The following SKIDA1 variants were observed in gnomAD, a reference collection of about 807,000 sequenced individuals.
SKIDA1 encodes SKI/DACH domain-containing protein 1.
Under a neutral mutation model 51.4 loss-of-function variants are expected in SKIDA1, and 18 were observed. The ratio of observed to expected loss-of-function variants is 0.35; its 90% CI spans 0.24 to 0.52. SKIDA1 has a LOEUF of 0.52. Ranked by LOEUF, SKIDA1 falls within the 20% of genes least tolerant of loss-of-function variation. The probability of loss-of-function intolerance (pLI) is 0.95; values close to 1 mark genes in which losing one functional copy is unlikely to be tolerated. For missense variants in SKIDA1, 1,104 were observed against 1,180.6 expected (o/e 0.94, Z 0.95); for synonymous variants, 579 against 500.5 (o/e 1.16, Z -2.09).
intron 2 of SKIDA1, among the ~76,000 whole-genome samples, chr10:21,522,289 C>T (rs929204580): frequency 5.5e-5 from 3 of 54,100 alleles, no homozygotes; most frequent in African/African-American, 2.0e-4. Context: ...CCCCCCCCCC[C>T]CCGCCACCAG....
chr10:21,516,055 G>T lies in SKIDA1; in HGVS notation c.1768C>A (p.Pro590Thr). The change falls in exon 4 of 4, where the codon CCA becomes ACA. Residue 590 changes from proline to threonine, a missense_variant. Pro to Thr is a conservative substitution (Grantham distance 38). This residue lies in a region of SKIDA1 where 938 missense variants were observed against 886.4 expected (regional missense o/e 1.06). Coordinates refer to ENST00000449193, the MANE Select transcript of SKIDA1 (RefSeq NM_207371.4). The surrounding 1 kb of genome is among the most constrained non-coding windows in gnomAD (Gnocchi z 5.7). Reference sequence around the variant, plus strand: ...GCCTCTCGGAGTATTCTTTGTTGTGGAAATGCATTGTTTGTCTTTGGGCTA... The same window carrying T: ...GCCTCTCGGAGTATTCTTTGTTGTGTAAATGCATTGTTTGTCTTTGGGCTA... ...SPSPKTNNAF[P>T]QQRILREARK... is the part of the protein sequence containing the mutation. 1 of 1,614,054 alleles carries T rather than the reference G, an allele frequency of 6.2e-7. No individual in the cohort carries two copies.
Position 21,516,898 on chromosome 10 carries a change from C to T in SKIDA1, c.925G>A (p.Ala309Thr). ...GCGGCCGCCGCCGCCGCTGCCGCCG[C>T]CGCCGCCGCCGCCGCCGCCTTGGCT... ...YKAKAAAAAAAAAAAAAAAAG... is the reference protein window; with the variant it reads ...YKAKAAAAAATAAAAAAAAAG... Residue 309 changes from alanine to threonine, a missense_variant, in exon 4 of 4, where the codon GCG (alanine) becomes ACG (threonine). Ala to Thr is a moderately conservative substitution (Grantham distance 58, BLOSUM62 0). Around this residue, in one of 3 missense-constraint regions of SKIDA1, gnomAD observed 938 missense variants for 886.4 expected, o/e 1.06. Transcript: ENST00000449193. This position sits in a 1 kb window ranked among gnomAD's most constrained non-coding sequence, Gnocchi z 5.7. The T allele has an allele frequency of 8.7e-7, 1 of 1,153,050 alleles. No homozygotes were observed. The highest frequency in any genetic ancestry group is 1.1e-6 in the Non-Finnish European group (1 of 941,330). The allele number at this position is 1,153,050 out of a possible 1,614,324, so 71.4% of individuals were successfully genotyped here.
rs1232723160 is a variant in SKIDA1 at position 21,517,469 on chromosome 10, C to T, written c.354G>A (p.Pro118=). 1.3e-6 allele frequency: 2 copies of T among 1,525,168 alleles called. No homozygotes were observed. Among genetic ancestry groups the T allele is most frequent in the Admixed American group, 2.3e-5 (1 of 44,310 alleles). 94.5% of individuals were successfully genotyped at this position (1,525,168 alleles called of 1,614,324 possible). Residue 118 remains proline (P), a synonymous_variant, in exon 4 of 4, where the codon CCG becomes CCA. Coordinates refer to ENST00000449193, the MANE Select transcript of SKIDA1 (RefSeq NM_207371.4). This position sits in a 1 kb window ranked among gnomAD's most constrained non-coding sequence, Gnocchi z 6.9. ...VGRALATKAP[P]PERAAAASPR... is the part of the protein sequence containing the mutation. ...GGCTGGCGGCAGCGGCGCGCTCTGG[C>T]GGCGGCGCCTTTGTGGCCAGGGCCC...
In SKIDA1 at chr10:21,514,327, T is replaced by G. The variant is rs2032127351; in HGVS notation, c.*769A>C. ...AGTAAGAGTCACCTTATTTAAAACCTTTGGGTGAGAACACAAAACAGACTT... is the reference window on the plus strand; with the variant it reads ...AGTAAGAGTCACCTTATTTAAAACCGTTGGGTGAGAACACAAAACAGACTT... On this transcript the variant is annotated 3_prime_UTR_variant, in exon 4 of 4. Coordinates refer to ENST00000449193, the MANE Select transcript of SKIDA1 (RefSeq NM_207371.4). 6.6e-6 allele frequency: 1 copy of G among 151,748 alleles called. No homozygotes were observed. Among genetic ancestry groups the G allele is most frequent in the Non-Finnish European group, 1.5e-5 (1 of 67,958 alleles). The allele number at this position is 151,748 out of a possible 1,614,324, so 9.4% of individuals were successfully genotyped here. A position where few individuals can be genotyped will look rare whatever the true frequency, so the allele number is the denominator to read the frequency against.
intron 3 of SKIDA1, among the ~76,000 whole-genome samples, chr10:21,520,096 C>T (rs1308972283): frequency 6.6e-6 from 1 of 152,166 alleles, no homozygotes; most frequent in African/African-American, 2.4e-5. Context: ...CATTTCCATC[C>T]AAGAAATCAG....
chr10:21,516,256 G>A lies in SKIDA1; in HGVS notation c.1567C>T (p.Gln523Ter). ...KAESPAEWNL[Q>*]SWAPKASPVY... Reference sequence around the variant, plus strand: ...GGAGATGCTTTGGGGGCCCAGCTCTGCAGATTCCACTCCGCCGGCGACTCC... The same window carrying A: ...GGAGATGCTTTGGGGGCCCAGCTCTACAGATTCCACTCCGCCGGCGACTCC... The change falls in exon 4 of 4, where the codon CAG becomes TAG. Residue 523 changes from glutamine (Q) to a stop codon, truncating the protein, a stop_gained. Transcript: ENST00000449193. LOFTEE classifies it high-confidence loss of function. The surrounding 1 kb of genome is among the most constrained non-coding windows in gnomAD (Gnocchi z 5.7). 6.2e-7 allele frequency: 1 copy of A among 1,613,994 alleles called. No homozygotes were observed. Among genetic ancestry groups the A allele is most frequent in the Non-Finnish European group, 8.5e-7 (1 of 1,179,898 alleles).
Position 21,516,537 on chromosome 10 carries a change from C to CCCT in SKIDA1, c.1283_1285dup (p.Glu428dup), listed in dbSNP as rs112207161. ...ACTGGAATCCGAGGCCCCGCTGCCC[C>CCCT]CCTCCTCCTCCTCTTCCTCCTCCTC... On this transcript the variant is annotated inframe_insertion, in exon 4 of 4. Transcript: ENST00000449193. The surrounding 1 kb of genome is among the most constrained non-coding windows in gnomAD (Gnocchi z 5.7). 5.2e-4 allele frequency: 743 copies of CCCT among 1,441,736 alleles called. 1 individual carries two copies. The highest frequency in any genetic ancestry group is 4.9e-3 in the Middle Eastern group (22 of 4,506). 89.3% of individuals were successfully genotyped at this position (1,441,736 alleles called of 1,614,324 possible). A position where few individuals can be genotyped will look rare whatever the true frequency, so the allele number is the denominator to read the frequency against.
Position 21,517,206 on chromosome 10 carries a change from G to T in SKIDA1, c.617C>A (p.Ala206Asp). The part of the protein sequence containing the change: ...ETAPLQGNYV[A>D]FPSDPAYFRS... ...AAAATAAGCAGGGTCCGAGGGGAAG[G>T]CGACGTAGTTTCCCTGGAGCGGGGC... The change falls in exon 4 of 4, where the codon GCC becomes GAC. Residue 206 changes from alanine to aspartate, a missense_variant. By Grantham distance (126) the Ala-to-Asp change is moderately radical. Around this residue, in one of 3 missense-constraint regions of SKIDA1, gnomAD observed 938 missense variants for 886.4 expected, o/e 1.06. Coordinates refer to ENST00000449193, the MANE Select transcript of SKIDA1 (RefSeq NM_207371.4). The surrounding 1 kb of genome is among the most constrained non-coding windows in gnomAD (Gnocchi z 6.9). 6.9e-7 allele frequency: 1 copy of T among 1,452,074 alleles called. No homozygotes were observed. The highest frequency in any genetic ancestry group is 9.1e-7 in the Non-Finnish European group (1 of 1,096,224). The allele number at this position is 1,452,074 out of a possible 1,614,324, so 89.9% of individuals were successfully genotyped here. A position where few individuals can be genotyped will look rare whatever the true frequency, so the allele number is the denominator to read the frequency against.
chr10:21,517,580 C>G lies in SKIDA1; in HGVS notation c.243G>C (p.Thr81=). 5 of 1,613,102 alleles carry G rather than the reference C, an allele frequency of 3.1e-6. No homozygotes were observed. The highest frequency in any genetic ancestry group is 4.2e-6 in the Non-Finnish European group (5 of 1,179,510). ...CTTCCACGTCTTCCCGGGAGATGAGCGTGCATTTGGCGGCGTGGAAGGCGA... is the reference window on the plus strand; with the variant it reads ...CTTCCACGTCTTCCCGGGAGATGAGGGTGCATTTGGCGGCGTGGAAGGCGA... The part of the protein sequence containing the change: ...NSIAFHAAKC[T]LISREDVEAL... Residue 81 remains threonine, a synonymous_variant, in exon 4 of 4, where the codon ACG becomes ACC. Coordinates refer to ENST00000449193, the MANE Select transcript of SKIDA1 (RefSeq NM_207371.4). The surrounding 1 kb of genome is among the most constrained non-coding windows in gnomAD (Gnocchi z 6.9).
In SKIDA1 at chr10:21,515,204, A is replaced by G. The variant is rs1344598303; in HGVS notation, c.2619T>C (p.Thr873=). Residue 873 remains threonine (T), a synonymous_variant, in exon 4 of 4, where the codon ACT becomes ACC. Coordinates refer to ENST00000449193, the MANE Select transcript of SKIDA1 (RefSeq NM_207371.4). ...DLWPAYSLNT[T]KDSQTPHKAH... Reference sequence around the variant, plus strand: ...CCTTGTGAGGAGTTTGAGAATCCTTAGTGGTGTTTAAGGAATACGCCGGCC... The same window carrying G: ...CCTTGTGAGGAGTTTGAGAATCCTTGGTGGTGTTTAAGGAATACGCCGGCC... The G allele has an allele frequency of 1.2e-6, 2 of 1,613,880 alleles. No homozygotes were observed. Among genetic ancestry groups the G allele is most frequent in the Non-Finnish European group, 1.7e-6 (2 of 1,179,844 alleles).
chr10:21,520,517 C>G (rs2032364829), intron 3 of SKIDA1, among the ~76,000 whole-genome samples: 1 of 124,690 alleles, frequency 8.0e-6, no homozygotes, highest in Non-Finnish European at 1.6e-5. Flanking sequence ...AGAATTAGAC[C>G]AAAGAGTCAG....
In SKIDA1 at chr10:21,519,630, A is replaced by G. The variant is rs573922821; in HGVS notation, c.-1808T>C. 1 of 167,202 alleles carries G rather than the reference A, an allele frequency of 6.0e-6. No individual in the cohort carries two copies. The highest frequency in any genetic ancestry group is 2.4e-5 in the African/African-American group (1 of 41,556). The allele number at this position is 167,202 out of a possible 1,614,324, so 10.4% of individuals were successfully genotyped here. ...CTCCAAAAATAGACACATCCGCGTGATTAAAAGAATAAACGGATATTTCTG... is the reference window on the plus strand; with the variant it reads ...CTCCAAAAATAGACACATCCGCGTGGTTAAAAGAATAAACGGATATTTCTG... On this transcript the variant is annotated 5_prime_UTR_variant, in exon 4 of 4. Transcript: ENST00000449193.
At position 21,518,003 on chromosome 10, in the gene SKIDA1, G is replaced by C. The variant is rs1164988423; in HGVS notation, c.-181C>G. 13 of 562,814 alleles carry C rather than the reference G, an allele frequency of 2.3e-5. No homozygotes were observed. The highest frequency in any genetic ancestry group is 3.1e-5 in the East Asian group (1 of 32,106). The allele number at this position is 562,814 out of a possible 1,614,324, so 34.9% of individuals were successfully genotyped here. A position where few individuals can be genotyped will look rare whatever the true frequency, so the allele number is the denominator to read the frequency against. On this transcript the variant is annotated 5_prime_UTR_variant, in exon 4 of 4. Transcript: ENST00000449193. Reference sequence around the variant, plus strand: ...CCAAACTCTAGGCGAAATTATTGGGGGGGGGGAAACCCCATGAAATTACAC... The same window carrying C: ...CCAAACTCTAGGCGAAATTATTGGGCGGGGGGAAACCCCATGAAATTACAC...
chr10:21,515,655 TCA>T lies in SKIDA1; in HGVS notation c.2166_2167del (p.Ser724Ter), dbSNP rs2032177004. 6.2e-7 allele frequency: 1 copy of T among 1,613,934 alleles called. No individual in the cohort carries two copies. Among genetic ancestry groups the T allele is most frequent in the Non-Finnish European group, 8.5e-7 (1 of 1,179,900 alleles). ...TAACAAGGCGTCCTCCTCTTTACTC[TCA>T]GTCACACTGTAAAACTCACCCTTTG... On this transcript the variant is annotated frameshift_variant, in exon 4 of 4. Transcript: ENST00000449193. LOFTEE classifies it high-confidence loss of function.
intron 1 of SKIDA1, among the ~76,000 whole-genome samples, chr10:21,524,429 T>C (rs2032565346): frequency 6.6e-6 from 1 of 152,126 alleles, no homozygotes; most frequent in Non-Finnish European, 1.5e-5. Flanking sequence ...TTTGGTGATG[T>C]GGTGCAAAAA....
In SKIDA1 at chr10:21,517,918, G is replaced by A. The variant is rs1292099143; in HGVS notation, c.-96C>T. On this transcript the variant is annotated 5_prime_UTR_variant, in exon 4 of 4. Coordinates refer to ENST00000449193, the MANE Select transcript of SKIDA1 (RefSeq NM_207371.4). The surrounding 1 kb of genome is among the most constrained non-coding windows in gnomAD (Gnocchi z 6.9). ...GTTAATCCTCAGCCAGATGCTGCGT[G>A]TGTCTCAAGGCATCCTGCTAATAAA... 6 of 1,102,214 alleles carry A rather than the reference G, an allele frequency of 5.4e-6. No homozygotes were observed. The highest frequency in any genetic ancestry group is 3.7e-6 in the Non-Finnish European group (3 of 801,770). 68.3% of individuals were successfully genotyped at this position (1,102,214 alleles called of 1,614,324 possible).
chr10:21,517,147 C>T lies in SKIDA1; in HGVS notation c.676G>A (p.Ala226Thr). Residue 226 changes from alanine (A) to threonine (T), a missense_variant, in exon 4 of 4, where the codon GCC becomes ACC. Physicochemically the swap from Ala to Thr is moderately conservative, Grantham distance 58 (BLOSUM62 0). Around this residue, in one of 3 missense-constraint regions of SKIDA1, gnomAD observed 938 missense variants for 886.4 expected, o/e 1.06. Transcript: ENST00000449193. The surrounding 1 kb of genome is among the most constrained non-coding windows in gnomAD (Gnocchi z 6.9). The stretch of plus-strand genomic sequence containing the variant: ...GCAGCGGCGGCGGCGGCGGCGGCGG[C>T]GGCTGCCGGGTGTTTGCTGCACAGC... The part of the protein sequence containing the change: ...SLLCSKHPAA[A>T]AAAAAAAAAA... 3 of 1,256,862 alleles carry T rather than the reference C, an allele frequency of 2.4e-6. No homozygotes were observed. The highest frequency in any genetic ancestry group is 3.4e-5 in the East Asian group (1 of 29,018). The allele number at this position is 1,256,862 out of a possible 1,614,324, so 77.9% of individuals were successfully genotyped here.
At position 21,519,454 on chromosome 10, in the gene SKIDA1, C is replaced by T. The variant is rs986678085; in HGVS notation, c.-1632G>A. 3.0e-5 allele frequency: 5 copies of T among 166,988 alleles called. No individual in the cohort carries two copies. Among genetic ancestry groups the T allele is most frequent in the African/African-American group, 1.2e-4 (5 of 41,424 alleles). 10.3% of individuals were successfully genotyped at this position (166,988 alleles called of 1,614,324 possible). A position where few individuals can be genotyped will look rare whatever the true frequency, so the allele number is the denominator to read the frequency against. ...TTTTCAAGGATATCCAAAATATTGC[C>T]AAATGAGAGCAAGGGTCCTCCCAGT... On this transcript the variant is annotated 5_prime_UTR_variant, in exon 4 of 4. Coordinates refer to ENST00000449193, the MANE Select transcript of SKIDA1 (RefSeq NM_207371.4).
chr10:21,519,764 A>T (rs2131274407), intron 3 of SKIDA1, 106 bp from the exon 4 acceptor site: 2 of 165,664 alleles, frequency 1.2e-5, no homozygotes, highest in East Asian at 3.8e-4. Context: ...AAAAAAGAAA[A>T]CAAAGATAAA....
Sources: allele counts gnomAD v4.1 joint callset (sites outside exome capture counted in the v4.1 genomes callset), GRCh38; gene constraint gnomAD v4.1.1; regional missense constraint gnomAD v4.1.1; non-coding constraint Gnocchi (gnomAD v3.1); transcripts MANE v1.5; gene names NCBI Gene and HGNC (gene_info 2026-07-23, HGNC 2026-07-21).